GALNT17: variants seen among roughly 807,000 people sequenced by gnomAD.
GALNT17 encodes the protein polypeptide N-acetylgalactosaminyltransferase 17.
In GALNT17, 29 loss-of-function variants were observed where a neutral mutation model predicts 63.7. That is an observed-to-expected ratio of 0.46 (90% CI 0.34 to 0.62). The LOEUF is 0.62. Among genes scored for constraint, GALNT17 ranks in the 20% least tolerant of loss-of-function variants. The pLI is 0.01. For synonymous variants in GALNT17, 305 were observed against 318.3 expected (o/e 0.96, Z 0.45); for missense variants, 603 against 799.6 (o/e 0.75, Z 2.97).
intron 6 of GALNT17, among the ~76,000 whole-genome samples, chr7:71,571,777 G>T (rs570428575): frequency 1.3e-5 from 2 of 152,136 alleles, no homozygotes; most frequent in South Asian, 4.1e-4. Context: ...ACTTTGGGAG[G>T]CCACGGTGGT....
intron 9 of GALNT17, among the ~76,000 whole-genome samples, chr7:71,677,547 C>T (rs981114147): frequency 6.6e-6 from 1 of 150,896 alleles, no homozygotes; most frequent in Non-Finnish European, 1.5e-5. Flanking sequence ...TGGCGTCTCA[C>T]TCTGTCCTCC....
chr7:71,683,623 C>T lies in GALNT17; in HGVS notation c.1500+6317C>T, dbSNP rs1402990000. Reference sequence around the variant, plus strand: ...GGCCACTCAGAGAGCCTTGCTTGCTCGGAAATGTCTGTCGCCTTGGTTTTG... The same window carrying T: ...GGCCACTCAGAGAGCCTTGCTTGCTTGGAAATGTCTGTCGCCTTGGTTTTG... On this transcript the variant is annotated intron_variant, in intron 9 of 10. Transcript: ENST00000333538. Among the ~76,000 whole-genome samples, 4 of 152,260 alleles carry T rather than the reference C, an allele frequency of 2.6e-5. No individual in the cohort carries two copies. The South Asian group carries it at 6.2e-4, about 24-fold the overall frequency.
intron 5 of GALNT17, among the ~76,000 whole-genome samples, chr7:71,422,735 A>G (rs1362101156): frequency 6.6e-6 from 1 of 152,222 alleles, no homozygotes; most frequent in Non-Finnish European, 1.5e-5. Flanking sequence ...GCTTGTGTTA[A>G]TCAGCTTACT....
chr7:71,584,616 T>C (rs1174611048), intron 6 of GALNT17, among the ~76,000 whole-genome samples: 1 of 152,176 alleles, frequency 6.6e-6, no homozygotes, highest in African/African-American at 2.4e-5. Context: ...AAAATATTTC[T>C]CAAAACTCAG....
chr7:71,316,321 G>T lies in GALNT17; in HGVS notation c.239-19229G>T, dbSNP rs548522227. On this transcript the variant is annotated intron_variant, in intron 1 of 10. Transcript: ENST00000333538. The stretch of plus-strand genomic sequence containing the variant: ...GGGAGAATGGAACAGGGTGGGCTGG[G>T]TCTTGGCTCTGGTCACTCAAGCTGA... Among the ~76,000 whole-genome samples the T allele has an allele frequency of 5.5e-4, 81 of 146,440 alleles. 1 individual carries two copies. The highest frequency in any genetic ancestry group is 1.3e-3 in the South Asian group (6 of 4,530).
chr7:71,414,073 C>A (rs143996427), intron 3 of GALNT17, among the ~76,000 whole-genome samples: 2,590 of 152,060 alleles, frequency 0.017, 81 homozygotes, highest in African/African-American at 0.059. Context: ...GAAACCCCAT[C>A]TCTACTAAAA....
intron 5 of GALNT17, among the ~76,000 whole-genome samples, chr7:71,538,614 G>A (rs1308465898): frequency 1.3e-5 from 2 of 152,128 alleles, no homozygotes; most frequent in Non-Finnish European, 2.9e-5. Context: ...ATGATCAATC[G>A]CCCTTATCAA....
At chr7:71,493,183 G>A (rs1788037964) in intron 5 of GALNT17, among the ~76,000 whole-genome samples, 1 of 152,148 alleles carries the variant, frequency 6.6e-6, no homozygotes. Flanking sequence ...TCCAGCCAGT[G>A]CCTTTCAAGG....
chr7:71,397,244 C>T (rs115893914), intron 3 of GALNT17, among the ~76,000 whole-genome samples: 69 of 152,182 alleles, frequency 4.5e-4, no homozygotes, highest in African/African-American at 1.5e-3. Flanking sequence ...CTGGAGAAGA[C>T]GGCTAAGTCA....
At chr7:71,371,425 G>A (rs1792621670) in intron 2 of GALNT17, among the ~76,000 whole-genome samples, 4 of 151,812 alleles carry the variant, frequency 2.6e-5, no homozygotes, top group Admixed American at 2.6e-4. Context: ...GTTTTTATAA[G>A]TTTGTTAGCC....
chr7:71,361,923 G>A (rs537506538), intron 2 of GALNT17, among the ~76,000 whole-genome samples: 1 of 152,126 alleles, frequency 6.6e-6, no homozygotes, highest in East Asian at 1.9e-4. Flanking sequence ...CATGGCTGGA[G>A]GAGGCAGGTT....
chr7:71,706,011 G>A (rs1450237211), intron 9 of GALNT17, among the ~76,000 whole-genome samples: 1 of 152,144 alleles, frequency 6.6e-6, no homozygotes, highest in Non-Finnish European at 1.5e-5. Flanking sequence ...TGGACATTTG[G>A]TTGACAGCAG....
intron 2 of GALNT17, among the ~76,000 whole-genome samples, chr7:71,338,069 T>C (rs1401410948): frequency 6.6e-6 from 1 of 151,944 alleles, no homozygotes; most frequent in Non-Finnish European, 1.5e-5. Context: ...TGCGGTGGCC[T>C]GTAATCCCAG....
chr7:71,484,271 T>C (rs1411227108), intron 5 of GALNT17, among the ~76,000 whole-genome samples: 6 of 152,106 alleles, frequency 3.9e-5, no homozygotes, highest in African/African-American at 1.4e-4. Context: ...GCGGATCACT[T>C]GAGGTCAGGA....
chr7:71,206,045 T>TAC (rs1189898267), intron 1 of GALNT17, among the ~76,000 whole-genome samples: 1 of 149,226 alleles, frequency 6.7e-6, no homozygotes, highest in African/African-American at 2.5e-5. Flanking sequence ...AGAGAATATA[T>TAC]ATATATATAT....
intron 3 of GALNT17, among the ~76,000 whole-genome samples, chr7:71,392,717 AT>A (rs1347829238): frequency 6.6e-6 from 1 of 152,068 alleles, no homozygotes; most frequent in Non-Finnish European, 1.5e-5. Context: ...ATCAATATCC[AT>A]TCATCATCCT....
At chr7:71,602,966 A>G (rs1003775106) in intron 6 of GALNT17, among the ~76,000 whole-genome samples, 1 of 152,088 alleles carries the variant, frequency 6.6e-6, no homozygotes, top group Admixed American at 6.5e-5. Flanking sequence ...ACTGGATACT[A>G]TGCTAAGTGT....
chr7:71,601,791 AAAAAT>A (rs1480072424), intron 6 of GALNT17, among the ~76,000 whole-genome samples: 13 of 152,204 alleles, frequency 8.5e-5, no homozygotes, highest in South Asian at 4.1e-4. Context: ...TCTTTGGGAA[AAAAAT>A]AAAATAAAAT....
At chr7:71,605,354 G>A (rs1448442266) in intron 6 of GALNT17, among the ~76,000 whole-genome samples, 18 of 152,098 alleles carry the variant, frequency 1.2e-4, no homozygotes, top group Admixed American at 9.2e-4. Context: ...TTGGGAGGCC[G>A]AGGCAGGCGG....
Sources: gnomAD v4.1 joint callset for allele counts (sites outside exome capture counted in the v4.1 genomes callset) on GRCh38, gnomAD v4.1.1 for gene constraint, MANE v1.5 for transcripts, NCBI Gene and HGNC (gene_info 2026-07-23, HGNC 2026-07-21) for gene names.